The following LRRTM4 variants were observed in gnomAD, a reference collection of about 807,000 sequenced individuals.
LRRTM4 encodes leucine-rich repeat transmembrane neuronal protein 4.
In LRRTM4, 25 loss-of-function variants were observed where a neutral mutation model predicts 47.6. The ratio of observed to expected loss-of-function variants is 0.53; its 90% confidence interval spans 0.38 to 0.73. The LOEUF (loss-of-function observed/expected upper bound fraction) is 0.73, where lower values mean the gene tolerates loss of function less well. Ranked by LOEUF, LRRTM4 falls within the 30% of genes least tolerant of loss-of-function variation. The probability of loss-of-function intolerance (pLI) is 0.00; values close to 1 mark genes in which losing one functional copy is unlikely to be tolerated. For missense variants in LRRTM4, 638 were observed against 713.4 expected (o/e 0.89, Z 1.20); for synonymous variants, 311 against 269.5 (o/e 1.15, Z -1.51).
At chr2:77,085,185 T>C (rs1178397308) in intron 3 of LRRTM4, among the ~76,000 whole-genome samples, 2 of 151,964 alleles carry the variant, frequency 1.3e-5, no homozygotes, top group East Asian at 1.9e-4. Context: ...CTACTATTGG[T>C]CTTTAATACA....
chr2:76,850,283 A>G (rs1671953868), intron 3 of LRRTM4, among the ~76,000 whole-genome samples: 1 of 152,090 alleles, frequency 6.6e-6, no homozygotes, highest in Non-Finnish European at 1.5e-5. Context: ...AGACCTACCT[A>G]AAGTTCAATA....
At chr2:76,990,921 A>T (rs1041245535) in intron 3 of LRRTM4, among the ~76,000 whole-genome samples, 1 of 151,452 alleles carries the variant, frequency 6.6e-6, no homozygotes, top group Admixed American at 6.6e-5. Context: ...TCAGTAAATT[A>T]AAAAAAATCA....
chr2:77,157,906 C>G (rs927132850), intron 3 of LRRTM4, among the ~76,000 whole-genome samples: 1 of 151,888 alleles, frequency 6.6e-6, no homozygotes, highest in Non-Finnish European at 1.5e-5. Flanking sequence ...TCAAACAGCT[C>G]GAGTGAGTTC....
intron 3 of LRRTM4, among the ~76,000 whole-genome samples, chr2:77,109,131 T>A (rs1671179870): frequency 6.6e-6 from 1 of 152,208 alleles, no homozygotes; most frequent in African/African-American, 2.4e-5. Context: ...GACACTTTAT[T>A]TGCCATGTTG....
chr2:76,945,316 T>C (rs79329159), intron 3 of LRRTM4, among the ~76,000 whole-genome samples: 107 of 152,182 alleles, frequency 7.0e-4, no homozygotes, highest in Non-Finnish European at 1.1e-3. Context: ...TGCTTCAATG[T>C]ATATTTATCG....
intron 3 of LRRTM4, among the ~76,000 whole-genome samples, chr2:76,919,705 A>G (rs1236607663): frequency 6.6e-6 from 1 of 152,208 alleles, no homozygotes; most frequent in Non-Finnish European, 1.5e-5. Context: ...TTCTATTTTT[A>G]CAGCCATTTT....
intron 3 of LRRTM4, among the ~76,000 whole-genome samples, chr2:77,429,652 A>G (rs1160565943): frequency 6.6e-6 from 1 of 152,228 alleles, no homozygotes; most frequent in African/African-American, 2.4e-5. Context: ...GGAATCAGAA[A>G]AAGTTGAACT....
intron 3 of LRRTM4, among the ~76,000 whole-genome samples, chr2:76,826,632 C>T (rs547547643): frequency 4.0e-5 from 6 of 151,666 alleles, no homozygotes; most frequent in African/African-American, 1.2e-4. Context: ...TTTAAATGAA[C>T]GACATTAAGC....
chr2:76,934,055 T>A (rs746087385), intron 3 of LRRTM4, among the ~76,000 whole-genome samples: 1 of 152,102 alleles, frequency 6.6e-6, no homozygotes, highest in Non-Finnish European at 1.5e-5. Context: ...AGTGTTCACT[T>A]TGCATCAGTA....
chr2:76,855,800 TGGGTGGAGGGTG>T (rs1403518982), intron 3 of LRRTM4, among the ~76,000 whole-genome samples: 5 of 152,088 alleles, frequency 3.3e-5, no homozygotes, highest in African/African-American at 1.2e-4. Context: ...GACCCTCAGT[TGGGTGGAGGGTG>T]GGGTGGTGTC....
chr2:77,297,723 A>G (rs904447513), intron 3 of LRRTM4, among the ~76,000 whole-genome samples: 5 of 152,138 alleles, frequency 3.3e-5, no homozygotes, highest in Non-Finnish European at 5.9e-5. Flanking sequence ...TCACTCTTCT[A>G]TTAAAAGCCA....
intron 3 of LRRTM4, among the ~76,000 whole-genome samples, chr2:77,015,715 G>A (rs1221669582): frequency 2.0e-5 from 3 of 152,152 alleles, no homozygotes; most frequent in Non-Finnish European, 2.9e-5. Context: ...CCTTGCAAAT[G>A]TATGAAGTGG....
intron 3 of LRRTM4, among the ~76,000 whole-genome samples, chr2:77,135,642 G>T (rs1236237396): frequency 6.6e-6 from 1 of 152,108 alleles, no homozygotes; most frequent in Non-Finnish European, 1.5e-5. Context: ...AATGTGCCAT[G>T]AACCAGAAAG....
chr2:77,326,716 T>G (rs1670790434), intron 3 of LRRTM4, among the ~76,000 whole-genome samples: 1 of 152,272 alleles, frequency 6.6e-6, no homozygotes, highest in South Asian at 2.1e-4. Context: ...CTCTTTATAG[T>G]CAAAACGGAT....
intron 3 of LRRTM4, among the ~76,000 whole-genome samples, chr2:77,118,514 A>G (rs944676932): frequency 2.6e-5 from 4 of 151,892 alleles, no homozygotes; most frequent in African/African-American, 9.7e-5. Context: ...CCAATGATGG[A>G]TGGAGCATGC....
chr2:77,248,877 T>C (rs1675523689), intron 3 of LRRTM4, among the ~76,000 whole-genome samples: 1 of 151,990 alleles, frequency 6.6e-6, no homozygotes, highest in Non-Finnish European at 1.5e-5. Context: ...GACTTTATAC[T>C]CTTTACAAAA....
At chr2:77,197,500 AG>A (rs1279473309) in intron 3 of LRRTM4, among the ~76,000 whole-genome samples, 1 of 152,158 alleles carries the variant, frequency 6.6e-6, no homozygotes, top group East Asian at 1.9e-4. Flanking sequence ...ACAAAGAAAA[AG>A]TACATCTTAC....
At position 77,458,906 on chromosome 2, in the gene LRRTM4, T is replaced by C. The variant is rs113956477; in HGVS notation, c.1551+59412A>G. Among the ~76,000 whole-genome samples, 292 of 152,044 alleles carry C rather than the reference T, an allele frequency of 1.9e-3. 1 individual carries two copies. The highest frequency in any genetic ancestry group is 3.4e-3 in the Middle Eastern group (1 of 294). ...CCATATTACGTACACATGCAACTGATGGGTGAAAATTGCAGTACCATACCC... is the reference window on the plus strand; with the variant it reads ...CCATATTACGTACACATGCAACTGACGGGTGAAAATTGCAGTACCATACCC... On this transcript the variant is annotated intron_variant, in intron 3 of 3. Transcript: ENST00000409884.
At chr2:77,188,615 T>A (rs774106850) in intron 3 of LRRTM4, among the ~76,000 whole-genome samples, 5 of 152,134 alleles carry the variant, frequency 3.3e-5, no homozygotes, top group Non-Finnish European at 5.9e-5. Flanking sequence ...ATATGATCCA[T>A]CCACACTGCA....
Sources: allele counts gnomAD v4.1 joint callset (sites outside exome capture counted in the v4.1 genomes callset), GRCh38; gene constraint gnomAD v4.1.1; transcripts MANE v1.5; gene names NCBI Gene and HGNC (gene_info 2026-07-23, HGNC 2026-07-21).